The following MDGA2 variants were observed in gnomAD, a reference collection of about 807,000 sequenced individuals.
MDGA2 encodes MAM domain-containing glycosylphosphatidylinositol anchor protein 2.
A neutral mutation model predicts 117.8 loss-of-function variants in MDGA2; 40 were observed. That is an observed-to-expected ratio of 0.34 (90% confidence interval 0.26 to 0.44). MDGA2 has a LOEUF of 0.44. Among genes scored for constraint, MDGA2 ranks in the 20% least tolerant of loss-of-function variants. The pLI is 1.00. For missense variants in MDGA2, 1,123 were observed against 1,250.6 expected, an observed-to-expected ratio of 0.90 and a Z score of 1.54; for synonymous variants, 452 against 439.0, an observed-to-expected ratio of 1.03 and a Z score of -0.37.
At chr14:47,477,366 C>A (rs1893865519) in intron 1 of MDGA2, among the ~76,000 whole-genome samples, 1 of 151,548 alleles carries the variant, frequency 6.6e-6, no homozygotes, top group African/African-American at 2.4e-5. Context: ...ATCTTTGGAA[C>A]CTAAAGTAGT....
At chr14:47,460,061 T>C (rs1893450364) in intron 1 of MDGA2, among the ~76,000 whole-genome samples, 1 of 152,176 alleles carries the variant, frequency 6.6e-6, no homozygotes, top group Non-Finnish European at 1.5e-5. Flanking sequence ...AAAATAAATA[T>C]TTTCATTGAT....
intron 1 of MDGA2, among the ~76,000 whole-genome samples, chr14:47,348,819 C>A (rs747708821): frequency 2.0e-5 from 3 of 152,058 alleles, no homozygotes; most frequent in Non-Finnish European, 2.9e-5. Context: ...ATCTAAAAGT[C>A]ATTGCTGAAT....
chr14:47,526,308 G>A (rs1271107533), intron 1 of MDGA2, among the ~76,000 whole-genome samples: 4 of 152,104 alleles, frequency 2.6e-5, no homozygotes, highest in Non-Finnish European at 4.4e-5. Flanking sequence ...TTGCACAAAA[G>A]CTCTGGTTGG....
intron 3 of MDGA2, among the ~76,000 whole-genome samples, chr14:47,173,818 A>G (rs1013434983): frequency 2.0e-5 from 3 of 152,196 alleles, no homozygotes; most frequent in African/African-American, 7.2e-5. Context: ...TTAAATGTAA[A>G]TGGACTAAAT....
At chr14:47,585,899 T>G (rs556875133) in intron 1 of MDGA2, among the ~76,000 whole-genome samples, 30 of 151,910 alleles carry the variant, frequency 2.0e-4, no homozygotes, top group African/African-American at 6.3e-4. Flanking sequence ...AACATTTTCT[T>G]CCTTCATCTC....
chr14:47,359,764 A>C (rs1891075412), intron 1 of MDGA2, among the ~76,000 whole-genome samples: 1 of 150,386 alleles, frequency 6.6e-6, no homozygotes, highest in Non-Finnish European at 1.5e-5. Context: ...AAAAAAAAAA[A>C]AAGAAAAGAA....
At chr14:47,279,390 G>A (rs1351115411) in intron 2 of MDGA2, among the ~76,000 whole-genome samples, 2 of 152,064 alleles carry the variant, frequency 1.3e-5, no homozygotes, top group African/African-American at 4.8e-5. Context: ...CACATTCTTA[G>A]ACCATGTTTC....
chr14:47,282,852 G>A (rs950861717), intron 2 of MDGA2, among the ~76,000 whole-genome samples: 1 of 152,040 alleles, frequency 6.6e-6, no homozygotes, highest in Non-Finnish European at 1.5e-5. Flanking sequence ...GGAGGCTAAG[G>A]TTAGGAGGAT....
At chr14:47,628,089 A>C (rs1897184216) in intron 1 of MDGA2, among the ~76,000 whole-genome samples, 1 of 152,148 alleles carries the variant, frequency 6.6e-6, no homozygotes, top group Non-Finnish European at 1.5e-5. Context: ...AAAAGGAGCG[A>C]ACCTGAACTC....
At position 47,061,374 on chromosome 14, in the gene MDGA2, C is replaced by T. The variant is rs1889875057; in HGVS notation, c.1400G>A (p.Gly467Glu). ...ATCAATGATGTCCAAGTTTGTTGTT[C>T]CCGGAGAGACATCAGGATCAGTCTG... ...ITQTDPDVSP[G>E]TTNLDIIDLK... Residue 467 changes from glycine to glutamate, a missense_variant, in exon 7 of 17, where the codon GGA becomes GAA. Around this residue, in one of 2 missense-constraint regions of MDGA2, gnomAD observed 890 missense variants for 1,050.3 expected, o/e 0.85. Transcript: ENST00000399232. The T allele has an allele frequency of 6.2e-7, 1 of 1,613,580 alleles. No individual in the cohort carries two copies. Among genetic ancestry groups the T allele is most frequent in the African/African-American group, 1.3e-5 (1 of 74,994 alleles).
chr14:46,923,530 A>G (rs1884212504), intron 9 of MDGA2, among the ~76,000 whole-genome samples: 1 of 152,174 alleles, frequency 6.6e-6, no homozygotes, highest in African/African-American at 2.4e-5. Context: ...ATTAAAGGTA[A>G]AAAACGTTTT....
At chr14:47,192,869 AT>A (rs1885163912) in intron 3 of MDGA2, among the ~76,000 whole-genome samples, 1 of 152,210 alleles carries the variant, frequency 6.6e-6, no homozygotes, top group Admixed American at 6.5e-5. Context: ...CCAGTCATGT[AT>A]AAAAACAGAT....
intron 1 of MDGA2, among the ~76,000 whole-genome samples, chr14:47,569,569 A>G (rs1426441131): frequency 6.6e-6 from 1 of 152,214 alleles, no homozygotes; most frequent in Admixed American, 6.5e-5. Context: ...ACTATACACC[A>G]AAAATGGTAG....
At chr14:47,534,987 G>A (rs2059029609) in intron 1 of MDGA2, among the ~76,000 whole-genome samples, 1 of 152,096 alleles carries the variant, frequency 6.6e-6, no homozygotes, top group Admixed American at 6.5e-5. Flanking sequence ...TAAATCCTAG[G>A]AAAATCCAGA....
At chr14:46,931,526 T>TC (rs72225621) in intron 9 of MDGA2, among the ~76,000 whole-genome samples, 6 of 20,308 alleles carry the variant, frequency 3.0e-4, no homozygotes, top group African/African-American at 6.0e-4. Flanking sequence ...TTATTTTTGC[T>TC]TTTTTTTTTT....
intron 1 of MDGA2, among the ~76,000 whole-genome samples, chr14:47,633,233 C>T (rs1269465021): frequency 3.9e-5 from 6 of 151,968 alleles, no homozygotes; most frequent in Non-Finnish European, 7.3e-5. Flanking sequence ...TATTGAAGCT[C>T]TTAAGGGTCA....
At chr14:47,464,192 A>C (rs965717013) in intron 1 of MDGA2, among the ~76,000 whole-genome samples, 1 of 151,704 alleles carries the variant, frequency 6.6e-6, no homozygotes, top group African/African-American at 2.4e-5. Context: ...ATCAGAGCTG[A>C]CTGGACCTGA....
At chr14:47,598,885 A>C (rs1896594479) in intron 1 of MDGA2, among the ~76,000 whole-genome samples, 1 of 152,202 alleles carries the variant, frequency 6.6e-6, no homozygotes, top group Non-Finnish European at 1.5e-5. Flanking sequence ...CACCTAAATA[A>C]GGTTCAAAGA....
intron 1 of MDGA2, among the ~76,000 whole-genome samples, chr14:47,505,538 T>C (rs1894493267): frequency 6.6e-6 from 1 of 152,148 alleles, no homozygotes; most frequent in Admixed American, 6.5e-5. Context: ...TACTCAAGTG[T>C]TTGTCAAATG....
Sources: allele counts gnomAD v4.1 joint callset (sites outside exome capture counted in the v4.1 genomes callset), GRCh38; gene constraint gnomAD v4.1.1; regional missense constraint gnomAD v4.1.1; transcripts MANE v1.5; gene names NCBI Gene and HGNC (gene_info 2026-07-23, HGNC 2026-07-21).